The following RGS18 variants were observed in gnomAD, a reference collection of about 807,000 sequenced individuals.
RGS18 encodes the protein regulator of G-protein signaling 18.
A neutral mutation model predicts 27.6 loss-of-function variants in RGS18; 22 were observed. That is an observed-to-expected ratio of 0.80 (90% CI 0.57 to 1.14). The LOEUF (loss-of-function observed/expected upper bound fraction) is 1.14. RGS18 is among the 50% of genes most tolerant of loss of function. RGS18 has a pLI of 0.00. For missense variants in RGS18, 299 were observed against 269.6 expected, an observed-to-expected ratio of 1.11 and a Z score of -0.76; for synonymous variants, 89 against 84.6, an observed-to-expected ratio of 1.05 and a Z score of -0.29.
intron 3 of RGS18, among the ~76,000 whole-genome samples, chr1:192,176,255 A>T (rs1656356150): frequency 4.0e-5 from 6 of 151,876 alleles, no homozygotes. Flanking sequence ...AAACTGTCCC[A>T]CACCCTTCTG....
intron 3 of RGS18, among the ~76,000 whole-genome samples, chr1:192,177,307 C>T (rs1373643678): frequency 6.7e-6 from 1 of 150,370 alleles, no homozygotes; most frequent in Non-Finnish European, 1.5e-5. Context: ...TTGTCCATAT[C>T]TCTTGTAAAT....
rs956793340 is a variant in RGS18 at position 192,184,627 on chromosome 1, G to A, written c.*73G>A. 3.5e-6 allele frequency: 5 copies of A among 1,415,238 alleles called. No individual in the cohort carries two copies. In the African/African-American group the frequency reaches 7.2e-5, roughly 20 times the overall value. The allele number at this position is 1,415,238 out of a possible 1,614,324, so 87.7% of individuals were successfully genotyped here. On this transcript the variant is annotated 3_prime_UTR_variant, in exon 5 of 5. Coordinates refer to ENST00000367460, the MANE Select transcript of RGS18 (RefSeq NM_130782.3). Reference sequence around the variant, plus strand: ...CTAACATATCGCATGTTTATGTTAAGATTTGGTCCCATCCTTTAAACTGAA... The same window carrying A: ...CTAACATATCGCATGTTTATGTTAAAATTTGGTCCCATCCTTTAAACTGAA...
intron 3 of RGS18, chr1:192,163,425 G>C (rs978092547): frequency 6.6e-6 from 1 of 152,062 alleles, no homozygotes; most frequent in South Asian, 2.1e-4. Context: ...GAAAGATTTA[G>C]CAGGATGATT....
At chr1:192,183,745 A>C (rs1656494975) in intron 4 of RGS18, among the ~76,000 whole-genome samples, 1 of 151,664 alleles carries the variant, frequency 6.6e-6, no homozygotes, top group Non-Finnish European at 1.5e-5. Context: ...TATAGAATGG[A>C]ATATTCAGCC....
chr1:192,177,441 A>G (rs997732907), intron 3 of RGS18, among the ~76,000 whole-genome samples: 24 of 151,654 alleles, frequency 1.6e-4, no homozygotes, highest in Non-Finnish European at 3.1e-4. Flanking sequence ...TTTTAGTATT[A>G]TTAAATAATT....
intron 3 of RGS18, among the ~76,000 whole-genome samples, chr1:192,161,290 G>T (rs1226522640): frequency 6.6e-6 from 1 of 152,152 alleles, no homozygotes; most frequent in Non-Finnish European, 1.5e-5. Flanking sequence ...TGAGATGGAG[G>T]GTGAGGACAA....
intron 1 of RGS18, 142 bp downstream of exon 1, chr1:192,158,898 T>C (rs1166775328): frequency 3.0e-6 from 2 of 657,998 alleles, no homozygotes; most frequent in Middle Eastern, 3.2e-4. Flanking sequence ...AAACACCTTT[T>C]TATTTCTTAG....
intron 3 of RGS18, chr1:192,160,755 T>G (rs1286541961): frequency 7.4e-6 from 2 of 271,832 alleles, no homozygotes; most frequent in African/African-American, 4.4e-5. Context: ...TAACGAACTA[T>G]TCATGTTAGT....
At chr1:192,176,832 C>G (rs1341433444) in intron 3 of RGS18, among the ~76,000 whole-genome samples, 1 of 151,704 alleles carries the variant, frequency 6.6e-6, no homozygotes, top group Non-Finnish European at 1.5e-5. Context: ...TTCAATAACT[C>G]ATAGTGATAT....
intron 3 of RGS18, among the ~76,000 whole-genome samples, chr1:192,172,772 T>TC (rs1194267881): frequency 4.6e-5 from 7 of 151,290 alleles, no homozygotes; most frequent in South Asian, 2.1e-4. Flanking sequence ...GTTCCTTTTT[T>TC]CCCACAGTTC....
chr1:192,179,942 C>T (rs925979879), intron 3 of RGS18, among the ~76,000 whole-genome samples: 2 of 151,606 alleles, frequency 1.3e-5, no homozygotes, highest in African/African-American at 4.8e-5. Flanking sequence ...AGTTGTTACA[C>T]TGGCGAAAAC....
chr1:192,175,524 T>C (rs1378782580), intron 3 of RGS18, among the ~76,000 whole-genome samples: 3 of 151,924 alleles, frequency 2.0e-5, no homozygotes, highest in Non-Finnish European at 4.4e-5. Flanking sequence ...CCTTTCTTAG[T>C]AGTAGGACAA....
chr1:192,160,016 CTG>C (rs1201853791), intron 2 of RGS18, among the ~76,000 whole-genome samples: 2 of 151,734 alleles, frequency 1.3e-5, no homozygotes, highest in Admixed American at 1.3e-4. Flanking sequence ...CTGAAAGATA[CTG>C]TGAGTTTAGT....
At chr1:192,178,577 A>G (rs1017604632) in intron 3 of RGS18, among the ~76,000 whole-genome samples, 3 of 151,602 alleles carry the variant, frequency 2.0e-5, no homozygotes, top group African/African-American at 7.3e-5. Context: ...AGATGAAATA[A>G]CATATGGATG....
chr1:192,169,398 T>G (rs536312010), intron 3 of RGS18: 47 of 152,330 alleles, frequency 3.1e-4, no homozygotes, highest in African/African-American at 1.1e-3. Flanking sequence ...CTTTCTTTCC[T>G]CTTTGGAAAT....
intron 3 of RGS18, chr1:192,161,591 T>A (rs1656074361): frequency 6.6e-6 from 1 of 152,190 alleles, no homozygotes; most frequent in Non-Finnish European, 1.5e-5. Context: ...CAGCTTTTTT[T>A]TTTTGCACTT....
intron 3 of RGS18, among the ~76,000 whole-genome samples, chr1:192,166,031 G>A (rs981295886): frequency 2.6e-5 from 4 of 152,016 alleles, no homozygotes; most frequent in African/African-American, 9.7e-5. Flanking sequence ...AGTTTTATCA[G>A]TCTTCTCACT....
chr1:192,172,985 A>G (rs557630545), intron 3 of RGS18, among the ~76,000 whole-genome samples: 1 of 150,706 alleles, frequency 6.6e-6, no homozygotes, highest in South Asian at 2.1e-4. Context: ...TATTCCATGT[A>G]TCTGTTATAA....
Position 192,184,572 on chromosome 1 carries a change from C to A in RGS18, c.*18C>A, listed in dbSNP as rs759770519. On this transcript the variant is annotated 3_prime_UTR_variant, in exon 5 of 5. Coordinates refer to ENST00000367460, the MANE Select transcript of RGS18 (RefSeq NM_130782.3). ...GGTTATAAAGAAAATTGATTTTGCTCATTTTTATGACAAACTTATACATCT... is the reference window on the plus strand; with the variant it reads ...GGTTATAAAGAAAATTGATTTTGCTAATTTTTATGACAAACTTATACATCT... 23 of 1,605,152 alleles carry A rather than the reference C, an allele frequency of 1.4e-5. No homozygotes were observed. The highest frequency in any genetic ancestry group is 2.2e-5 in the South Asian group (2 of 90,610).
Sources: allele counts gnomAD v4.1 joint callset (sites outside exome capture counted in the v4.1 genomes callset), GRCh38; gene constraint gnomAD v4.1.1; transcripts MANE v1.5; gene names NCBI Gene and HGNC (gene_info 2026-07-23, HGNC 2026-07-21).